The following FAM217B variants were observed in gnomAD, a reference collection of about 807,000 sequenced individuals.
FAM217B encodes the protein protein FAM217B.
For missense variants in FAM217B, 463 were observed against 456.9 expected (o/e 1.01, Z -0.12); for synonymous variants, 163 against 173.0 (o/e 0.94, Z 0.45).
chr20:59,938,911 A>G (rs2060878011), upstream of FAM217B: 2 of 988,728 alleles, frequency 2.0e-6, no homozygotes, highest in Admixed American at 6.8e-5. Context: ...GCAGCAGAAA[A>G]TTAGGTCAGA....
At chr20:59,939,813 GCCCGC>G (rs1445273944), upstream of FAM217B, 7 of 1,234,910 alleles carry the variant, frequency 5.7e-6, no homozygotes, top group Middle Eastern at 3.1e-4. Context: ...GGGCCTACAG[GCCCGC>G]GGCTCCAGGG....
chr20:59,935,274 T>C (rs2060853746), intron 1 of FAM217B, among the ~76,000 whole-genome samples: 1 of 152,200 alleles, frequency 6.6e-6, no homozygotes, highest in Non-Finnish European at 1.5e-5. Flanking sequence ...ATAGTGATGA[T>C]TTTTTACCTT....
At position 59,944,194 on chromosome 20, in the gene FAM217B, T is replaced by C. The variant is rs1176725144; in HGVS notation, c.251T>C (p.Ile84Thr). The C allele has an allele frequency of 6.2e-7, 1 of 1,614,098 alleles. No homozygotes were observed. The highest frequency in any genetic ancestry group is 8.5e-7 in the Non-Finnish European group (1 of 1,180,006). ...TTTCTTGATTTTCAGTCAATGAAAA[T>C]TATTAAAGAGAATGCTGATGAGGAC... Reference protein sequence around the residue: ...KLFLDFQSMKIIKENADEDSA... With the variant: ...KLFLDFQSMKTIKENADEDSA... The change falls in exon 4 of 4, where the codon ATT becomes ACT. Residue 84 changes from isoleucine to threonine, a missense_variant. Transcript: ENST00000360816.
chr20:59,938,802 T>C, upstream of FAM217B: 1 of 400,602 alleles, frequency 2.5e-6, no homozygotes. Flanking sequence ...CCCAACTCAT[T>C]ACACAACTCG....
upstream of FAM217B, chr20:59,937,796 C>CT (rs1347550105): frequency 6.6e-6 from 1 of 152,306 alleles, no homozygotes; most frequent in Non-Finnish European, 1.5e-5. Context: ...GGACAGTGGT[C>CT]TTGACTTCTT....
chr20:59,934,331 C>A (rs1475662941), intron 1 of FAM217B, among the ~76,000 whole-genome samples: 2 of 152,224 alleles, frequency 1.3e-5, no homozygotes, highest in South Asian at 2.1e-4. Flanking sequence ...ATGCAGCCAG[C>A]GGGTGCTTGT....
At chr20:59,936,478 C>T (rs1312696573), upstream of FAM217B, among the ~76,000 whole-genome samples, 2 of 152,288 alleles carry the variant, frequency 1.3e-5, no homozygotes, top group South Asian at 4.1e-4. Flanking sequence ...GGTCACGATC[C>T]GGAAGGCAGA....
At chr20:59,937,536 A>T (rs990256016), upstream of FAM217B, 1 of 152,346 alleles carries the variant, frequency 6.6e-6, no homozygotes, top group Admixed American at 6.5e-5. Context: ...TTCAGTATTG[A>T]TTTGACAGAT....
At chr20:59,939,603 C>T, upstream of FAM217B, 1 of 1,595,006 alleles carries the variant, frequency 6.3e-7, no homozygotes, top group Non-Finnish European at 8.5e-7. Context: ...CAGCTCCAAG[C>T]CCAGGGCGTC....
chr20:59,937,494 A>G (rs1247378635), upstream of FAM217B: 1 of 152,368 alleles, frequency 6.6e-6, no homozygotes, highest in Admixed American at 6.5e-5. Context: ...CAATGATCAG[A>G]ACCAAACTGG....
upstream of FAM217B, chr20:59,940,364 C>T (rs1458722125): frequency 4.5e-5 from 7 of 154,262 alleles, no homozygotes; most frequent in African/African-American, 1.7e-4. Context: ...GTGACGCCGC[C>T]TGCAGGCGGG....
chr20:59,939,424 C>G, upstream of FAM217B: 1 of 1,611,104 alleles, frequency 6.2e-7, no homozygotes, highest in South Asian at 1.1e-5. Flanking sequence ...TGCAGGCGCT[C>G]GCCAAAGTCG....
intron 1 of FAM217B, among the ~76,000 whole-genome samples, chr20:59,934,344 A>G (rs1192169041): frequency 1.3e-5 from 2 of 152,128 alleles, no homozygotes; most frequent in Admixed American, 1.3e-4. Context: ...GTGCTTGTGT[A>G]AAAAATCGCA....
At position 59,945,853 on chromosome 20, in the gene FAM217B, A is replaced by C. The variant is rs947515904; in HGVS notation, c.*758A>C. 1.2e-5 allele frequency: 2 copies of C among 167,054 alleles called. No homozygotes were observed. The highest frequency in any genetic ancestry group is 4.8e-5 in the African/African-American group (2 of 41,460). 10.3% of individuals were successfully genotyped at this position (167,054 alleles called of 1,614,324 possible). The stretch of plus-strand genomic sequence containing the variant: ...ATTTTCCAAAGTCAATGGGCTTAGC[A>C]TGATTACTGCTGTTTGGTGGGGCTG... On this transcript the variant is annotated 3_prime_UTR_variant, in exon 4 of 4. Transcript: ENST00000360816.
Position 59,944,997 on chromosome 20 carries a change from A to G in FAM217B, c.1054A>G (p.Lys352Glu). The G allele has an allele frequency of 6.2e-7, 1 of 1,614,170 alleles. No individual in the cohort carries two copies. Among genetic ancestry groups the G allele is most frequent in the Admixed American group, 1.7e-5 (1 of 60,012 alleles). The part of the protein sequence containing the change: ...SKTQAHAHPR[K>E]KGKAESCGHA... ...AACACAAGCACATGCACATCCTAGG[A>G]AAAAGGGAAAGGCAGAGAGCTGTGG... The change falls in exon 4 of 4, where the codon AAA (lysine) becomes GAA (glutamate). Residue 352 changes from lysine to glutamate, a missense_variant. Coordinates refer to ENST00000360816, the MANE Select transcript of FAM217B (RefSeq NM_022106.3).
intron 3 of FAM217B, among the ~76,000 whole-genome samples, chr20:59,943,139 A>G (rs2060914637): frequency 6.6e-6 from 1 of 152,190 alleles, no homozygotes; most frequent in South Asian, 2.1e-4. Flanking sequence ...TGAAAAGAGG[A>G]TATTTTCAAC....
upstream of FAM217B, chr20:59,940,152 G>T (rs1030365093): frequency 3.2e-5 from 13 of 403,948 alleles, no homozygotes; most frequent in South Asian, 1.4e-4. Context: ...TAAGAGTGGG[G>T]AGTTTTTCTC....
rs1470340463 is a variant in FAM217B at position 59,940,495 on chromosome 20, G to C, written c.-243G>C. On this transcript the variant is annotated 5_prime_UTR_variant, in exon 1 of 4. Coordinates refer to ENST00000360816, the MANE Select transcript of FAM217B (RefSeq NM_022106.3). ...GCGCGGGCGCCGGAGAGGAAGGAAG[G>C]CTGGCAGCCTCGTCACGTGTCCGCT... 1 of 152,268 alleles carries C rather than the reference G, an allele frequency of 6.6e-6. No individual in the cohort carries two copies. Among genetic ancestry groups the C allele is most frequent in the African/African-American group, 2.4e-5 (1 of 41,460 alleles). The allele number at this position is 152,268 out of a possible 1,614,324, so 9.4% of individuals were successfully genotyped here.
chr20:59,936,770 T>C (rs1467531231), upstream of FAM217B: 7 of 152,242 alleles, frequency 4.6e-5, no homozygotes, highest in East Asian at 1.3e-3. Context: ...TTTCTAAAGC[T>C]TGGTCTTCTG....
Sources: gnomAD v4.1 joint callset for allele counts (sites outside exome capture counted in the v4.1 genomes callset) on GRCh38, gnomAD v4.1.1 for gene constraint, MANE v1.5 for transcripts, NCBI Gene and HGNC (gene_info 2026-07-23, HGNC 2026-07-21) for gene names.